GGA2: variants seen among roughly 807,000 people sequenced by gnomAD.
GGA2 encodes golgi associated, gamma adaptin ear containing, ARF binding protein 2.
Under a neutral mutation model 79.5 loss-of-function variants are expected in GGA2, and 48 were observed. The observed-to-expected ratio is 0.60, with a 90% confidence interval of 0.48 to 0.77. The LOEUF (loss-of-function observed/expected upper bound fraction) is 0.77. GGA2 is among the 30% of genes least tolerant of loss of function. The pLI is 0.00. For synonymous variants in GGA2, 317 were observed against 302.0 expected (o/e 1.05, Z -0.51); for missense variants, 770 against 774.0 (o/e 0.99, Z 0.06).
chr16:23,482,177 T>A (rs760236558), intron 9 of GGA2, among the ~76,000 whole-genome samples: 2 of 152,166 alleles, frequency 1.3e-5, no homozygotes, highest in Non-Finnish European at 2.9e-5. Context: ...GGAAGGAGAA[T>A]GGCTTGAACC....
In GGA2 at chr16:23,491,687, C is replaced by CA; in HGVS notation, c.464dup (p.Lys156GlufsTer11). 6.2e-7 allele frequency: 1 copy of CA among 1,613,262 alleles called. No individual in the cohort carries two copies. The highest frequency in any genetic ancestry group is 8.5e-7 in the Non-Finnish European group (1 of 1,179,298). ...TAAGGCAAGTCAGACCTTGTTTCTTCAGCATCTGATAAGCGTCTCGAATCT... is the reference window on the plus strand; with the variant it reads ...TAAGGCAAGTCAGACCTTGTTTCTTCAAGCATCTGATAAGCGTCTCGAATCT... On this transcript the variant is annotated frameshift_variant, in exon 5 of 17. Coordinates refer to ENST00000309859, the MANE Select transcript of GGA2 (RefSeq NM_015044.4). LOFTEE classifies it high-confidence loss of function.
At chr16:23,516,440 T>C (rs936150997) in intron 2 of GGA2, among the ~76,000 whole-genome samples, 2 of 152,180 alleles carry the variant, frequency 1.3e-5, no homozygotes, top group African/African-American at 4.8e-5. Context: ...TGAGAGAACA[T>C]GGCTTTATCG....
At chr16:23,515,701 C>A (rs1965099121) in intron 2 of GGA2, among the ~76,000 whole-genome samples, 1 of 152,164 alleles carries the variant, frequency 6.6e-6, no homozygotes, top group East Asian at 1.9e-4. Context: ...CCTTGGTACT[C>A]CTGGATTTCA....
intron 1 of GGA2, among the ~76,000 whole-genome samples, chr16:23,521,370 T>C (rs1374453971): frequency 2.0e-5 from 3 of 152,146 alleles, no homozygotes; most frequent in Non-Finnish European, 4.4e-5. Context: ...AGTAGAATCT[T>C]ACAGTATCTA....
In GGA2 at chr16:23,467,325, G is replaced by T. The variant is rs777343250; in HGVS notation, c.*265C>A. 1.1e-4 allele frequency: 46 copies of T among 417,794 alleles called. No homozygotes were observed. The highest frequency in any genetic ancestry group is 1.8e-4 in the Non-Finnish European group (41 of 230,454). The allele number at this position is 417,794 out of a possible 1,614,324, so 25.9% of individuals were successfully genotyped here. ...ACTGTAGCAGAGATGATGATGATGA[G>T]AAATGCTTCGCATTTCCCACACTGC... On this transcript the variant is annotated 3_prime_UTR_variant, in exon 17 of 17. Transcript: ENST00000309859.
At chr16:23,519,660 G>A in intron 1 of GGA2, 2 of 409,068 alleles carry the variant, frequency 4.9e-6, no homozygotes, top group Non-Finnish European at 9.9e-6. Flanking sequence ...AAAACAAGGG[G>A]AGCAGACACA....
intron 1 of GGA2, among the ~76,000 whole-genome samples, chr16:23,520,967 CT>C (rs1196031276): frequency 6.6e-6 from 1 of 151,818 alleles, no homozygotes; most frequent in African/African-American, 2.4e-5. Flanking sequence ...AATTTTTGTA[CT>C]TTTAGTAGAG....
At chr16:23,496,926 C>T (rs552966597) in intron 1 of GGA2, among the ~76,000 whole-genome samples, 2 of 146,684 alleles carry the variant, frequency 1.4e-5, no homozygotes, top group East Asian at 4.0e-4. Flanking sequence ...CCACTGTACT[C>T]AGCCTGGGCA....
chr16:23,477,754 A>C (rs1964593102), intron 13 of GGA2, among the ~76,000 whole-genome samples: 1 of 152,178 alleles, frequency 6.6e-6, no homozygotes, highest in East Asian at 1.9e-4. Flanking sequence ...CTCAAAAACA[A>C]ACAAACAAAC....
upstream of GGA2, among the ~76,000 whole-genome samples, chr16:23,511,255 C>T (rs935625180): frequency 2.1e-5 from 3 of 145,172 alleles, no homozygotes; most frequent in Non-Finnish European, 1.5e-5. Flanking sequence ...TGGGTTCAAG[C>T]GATTCTCCTG....
chr16:23,503,742 A>G (rs886253660), intron 1 of GGA2, among the ~76,000 whole-genome samples: 7 of 152,330 alleles, frequency 4.6e-5, no homozygotes, highest in South Asian at 4.1e-4. Context: ...GGGGGAAAAA[A>G]GATTTATCAT....
At chr16:23,473,435 C>T (rs1432571438) in intron 14 of GGA2, among the ~76,000 whole-genome samples, 1 of 131,610 alleles carries the variant, frequency 7.6e-6, no homozygotes, top group African/African-American at 2.8e-5. Context: ...CATCTGGGTT[C>T]AGGTGATTCT....
intron 5 of GGA2, among the ~76,000 whole-genome samples, chr16:23,490,071 G>A (rs991516862): frequency 2.0e-5 from 3 of 152,190 alleles, no homozygotes; most frequent in African/African-American, 7.2e-5. Context: ...GACAAGGGAT[G>A]GCTGTCTACT....
At chr16:23,495,037 A>T (rs1964837037) in intron 2 of GGA2, among the ~76,000 whole-genome samples, 1 of 151,784 alleles carries the variant, frequency 6.6e-6, no homozygotes, top group South Asian at 2.1e-4. Flanking sequence ...GTGAGCTGAG[A>T]TCGTGCCCTT....
At position 23,467,504 on chromosome 16, in the gene GGA2, G is replaced by A. The variant is rs1964455778; in HGVS notation, c.*86C>T. 5.5e-6 allele frequency: 4 copies of A among 724,586 alleles called. No homozygotes were observed. The highest frequency in any genetic ancestry group is 5.4e-5 in the East Asian group (2 of 36,700). The allele number at this position is 724,586 out of a possible 1,614,324, so 44.9% of individuals were successfully genotyped here. On this transcript the variant is annotated 3_prime_UTR_variant, in exon 17 of 17. Transcript: ENST00000309859. ...GTCAGGATAGGACTCTTGGCACTCC[G>A]CACTGAAACACCGTGATTAGTCCTG...
chr16:23,490,530 T>A (rs145408616), intron 5 of GGA2, among the ~76,000 whole-genome samples: 2 of 151,570 alleles, frequency 1.3e-5, no homozygotes, highest in African/African-American at 4.8e-5. Context: ...AGGTTGGGAG[T>A]TTGAGACCAG....
chr16:23,509,229 C>T (rs1965008604), intron 1 of GGA2, among the ~76,000 whole-genome samples: 1 of 152,202 alleles, frequency 6.6e-6, no homozygotes, highest in Non-Finnish European at 1.5e-5. Context: ...TTGAAGATCT[C>T]GCCCCAATTA....
upstream of GGA2, among the ~76,000 whole-genome samples, chr16:23,513,337 C>T (rs1567373430): frequency 6.6e-6 from 1 of 152,128 alleles, no homozygotes; most frequent in Non-Finnish European, 1.5e-5. Flanking sequence ...TGACCTCCTG[C>T]CCGTCTTTCT....
intron 1 of GGA2, among the ~76,000 whole-genome samples, 161 bp downstream of exon 1, chr16:23,510,160 G>A (rs1671135012): frequency 6.6e-6 from 1 of 151,872 alleles, no homozygotes; most frequent in Non-Finnish European, 1.5e-5. Context: ...TCCTCTCGGG[G>A]GACCCCTGGG....
Sources: allele counts gnomAD v4.1 joint callset (sites outside exome capture counted in the v4.1 genomes callset), GRCh38; gene constraint gnomAD v4.1.1; transcripts MANE v1.5; gene names NCBI Gene and HGNC (gene_info 2026-07-23, HGNC 2026-07-21).